Variants in MALRD1 observed in about 807,000 individuals in gnomAD.
MALRD1 encodes the protein MAM and LDL-receptor class A domain-containing protein 1.
A neutral mutation model predicts 242.1 loss-of-function variants in MALRD1; 247 were observed. That is an observed-to-expected ratio of 1.02 (90% CI 0.92 to 1.13). The LOEUF (loss-of-function observed/expected upper bound fraction) is 1.13. MALRD1 is among the 50% of genes most tolerant of loss of function. The pLI is 0.00. For synonymous variants in MALRD1, 995 were observed against 866.6 expected (o/e 1.15, Z -2.60); for missense variants, 2,989 against 2,533.1 (o/e 1.18, Z -3.86).
intron 36 of MALRD1, among the ~76,000 whole-genome samples, chr10:19,632,637 CA>C (rs1354717988): frequency 1.3e-5 from 2 of 151,988 alleles, no homozygotes; most frequent in African/African-American, 4.8e-5. Context: ...ATGTCAGAAA[CA>C]AATCTATGTT....
At chr10:19,481,451 G>T (rs1836991035) in intron 29 of MALRD1, among the ~76,000 whole-genome samples, 1 of 152,100 alleles carries the variant, frequency 6.6e-6, no homozygotes, top group African/African-American at 2.4e-5. Context: ...CAAATCATTG[G>T]CAGTGCTGAG....
At chr10:19,306,218 AC>A (rs1842186278) in intron 21 of MALRD1, among the ~76,000 whole-genome samples, 1 of 132,580 alleles carries the variant, frequency 7.5e-6, no homozygotes, top group African/African-American at 2.8e-5. Flanking sequence ...ATATACACAC[AC>A]ATACTATATA....
At chr10:19,212,573 T>G (rs1048667899) in intron 18 of MALRD1, among the ~76,000 whole-genome samples, 15 of 152,360 alleles carry the variant, frequency 9.8e-5, no homozygotes, top group African/African-American at 3.6e-4. Flanking sequence ...TATCATTATA[T>G]GAACACCTAC....
intron 18 of MALRD1, among the ~76,000 whole-genome samples, chr10:19,240,431 TAAAG>T (rs1271889379): frequency 5.9e-5 from 9 of 152,028 alleles, no homozygotes; most frequent in African/African-American, 1.2e-4. Context: ...GAAAGAACCT[TAAAG>T]AGAGAGAGAT....
intron 19 of MALRD1, among the ~76,000 whole-genome samples, chr10:19,265,763 G>A (rs1334466706): frequency 4.6e-5 from 7 of 152,004 alleles, no homozygotes; most frequent in African/African-American, 1.7e-4. Flanking sequence ...TAAGTTCAAT[G>A]TTTCTTAATT....
At chr10:19,436,261 C>G (rs1369455348) in intron 28 of MALRD1, among the ~76,000 whole-genome samples, 1 of 152,096 alleles carries the variant, frequency 6.6e-6, no homozygotes, top group South Asian at 2.1e-4. Flanking sequence ...AGCTAAGAGA[C>G]CTGAGTCTAT....
chr10:19,388,281 A>C (rs371622842), intron 27 of MALRD1, among the ~76,000 whole-genome samples: 2 of 152,222 alleles, frequency 1.3e-5, no homozygotes, highest in East Asian at 3.8e-4. Context: ...ATAAGGTCAC[A>C]TTCATAAGAA....
rs543036894 is a variant in MALRD1, at chr10:19,707,880, C to G, written c.6314+15326C>G. Among the ~76,000 whole-genome samples, 84 of 120,986 alleles carry G rather than the reference C, an allele frequency of 6.9e-4. 7 individuals carry two copies. The highest frequency in any genetic ancestry group is 2.2e-3 in the African/African-American group (84 of 38,116). The allele number at this position is 120,986 out of a possible 152,430, so 79.4% of individuals were successfully genotyped here. On this transcript the variant is annotated intron_variant, in intron 38 of 39. Coordinates refer to ENST00000454679, the MANE Select transcript of MALRD1 (RefSeq NM_001142308.3). ...CCTGAGGCAGGAGAATCGCTTGAAC[C>G]CAGGAGGCAAATGTTGTAGTGAGCT...
intron 19 of MALRD1, among the ~76,000 whole-genome samples, chr10:19,273,036 G>A (rs1287285508): frequency 6.6e-6 from 1 of 151,862 alleles, no homozygotes; most frequent in Non-Finnish European, 1.5e-5. Context: ...TAATCCTTTG[G>A]GTATATATCC....
intron 34 of MALRD1, among the ~76,000 whole-genome samples, chr10:19,601,475 A>G (rs1343331472): frequency 6.6e-6 from 1 of 152,012 alleles, no homozygotes. Context: ...TTAAAAGAAA[A>G]TTTATAAATA....
At chr10:19,416,442 C>T (rs1055733347) in intron 28 of MALRD1, among the ~76,000 whole-genome samples, 12 of 152,094 alleles carry the variant, frequency 7.9e-5, no homozygotes, top group African/African-American at 2.9e-4. Flanking sequence ...GCCCCAGGGA[C>T]ATCCTGATAA....
At chr10:19,136,491 ACTTTGT>A in intron 9 of MALRD1, 77 bp from the exon 10 acceptor site, 1 of 777,454 alleles carries the variant, frequency 1.3e-6, no homozygotes, top group East Asian at 3.4e-5. Context: ...CTCAATAACT[ACTTTGT>A]CTTTATCAAC....
intron 5 of MALRD1, among the ~76,000 whole-genome samples, chr10:19,107,474 A>G (rs1012833424): frequency 1.3e-5 from 2 of 151,286 alleles, no homozygotes; most frequent in Non-Finnish European, 3.0e-5. Context: ...TTCTATTTGC[A>G]TGAAATATTT....
chr10:19,283,031 G>A lies in MALRD1; in HGVS notation c.3269G>A (p.Cys1090Tyr). ...SDEASCVMEV[C>Y]SFEKRSLCKW... ...TACCCCATCCAAGTTATGGAAGTTT[G>A]CAGCTTTGAGAAAAGAAGCCTGTGT... Residue 1090 changes from cysteine to tyrosine, a missense_variant, in exon 21 of 40, where the codon TGC becomes TAC. Cys to Tyr is a radical substitution (Grantham distance 194). Transcript: ENST00000454679. 2 of 1,544,632 alleles carry A rather than the reference G, an allele frequency of 1.3e-6. No individual in the cohort carries two copies. Among genetic ancestry groups the A allele is most frequent in the South Asian group, 1.2e-5 (1 of 83,262 alleles).
At chr10:19,527,443 CTT>C (rs1025724972) in intron 31 of MALRD1, among the ~76,000 whole-genome samples, 7 of 152,132 alleles carry the variant, frequency 4.6e-5, no homozygotes, top group African/African-American at 1.4e-4. Context: ...CAATTCCTAA[CTT>C]TGCAAAATTG....
At chr10:19,117,826 A>G (rs924638898) in intron 5 of MALRD1, among the ~76,000 whole-genome samples, 6 of 152,238 alleles carry the variant, frequency 3.9e-5, no homozygotes, top group African/African-American at 1.4e-4. Context: ...TATTGAGTCT[A>G]CAATGTTTTA....
At chr10:19,596,472 A>G (rs1362535951) in intron 34 of MALRD1, among the ~76,000 whole-genome samples, 1 of 152,094 alleles carries the variant, frequency 6.6e-6, no homozygotes, top group Admixed American at 6.6e-5. Context: ...GCTCAGGCCT[A>G]TTATCCCAGC....
At chr10:19,654,580 T>C (rs1251109667) in intron 36 of MALRD1, among the ~76,000 whole-genome samples, 1 of 152,202 alleles carries the variant, frequency 6.6e-6, no homozygotes, top group East Asian at 1.9e-4. Context: ...AGTAAATGAC[T>C]GTCTTTTCTT....
At chr10:19,365,659 T>TAA (rs199989681) in intron 26 of MALRD1, among the ~76,000 whole-genome samples, 5 of 122,918 alleles carry the variant, frequency 4.1e-5, no homozygotes, top group East Asian at 2.6e-4. Flanking sequence ...TTATAAATTC[T>TAA]AAAAAAAAAA....
Sources: allele counts gnomAD v4.1 joint callset (sites outside exome capture counted in the v4.1 genomes callset), GRCh38; gene constraint gnomAD v4.1.1; transcripts MANE v1.5; gene names NCBI Gene and HGNC (gene_info 2026-07-23, HGNC 2026-07-21).